RIMS2: variants seen among roughly 807,000 people sequenced by gnomAD.
RIMS2 encodes regulating synaptic membrane exocytosis 2, also known as regulating synaptic membrane exocytosis protein 2.
Under a neutral mutation model 174.4 loss-of-function variants are expected in RIMS2, and 59 were observed. The ratio of observed to expected loss-of-function variants is 0.34; its 90% confidence interval spans 0.27 to 0.42. RIMS2 has a LOEUF of 0.42. Among genes scored for constraint, RIMS2 ranks in the 10% least tolerant of loss-of-function variants. RIMS2 has a pLI of 1.00. For synonymous variants in RIMS2, 606 were observed against 572.5 expected, an observed-to-expected ratio of 1.06 and a Z score of -0.84; for missense variants, 1,620 against 1,666.3, an observed-to-expected ratio of 0.97 and a Z score of 0.48.
At chr8:103,843,412 C>T (rs953299603) in intron 3 of RIMS2, among the ~76,000 whole-genome samples, 7 of 152,184 alleles carry the variant, frequency 4.6e-5, no homozygotes, top group African/African-American at 1.4e-4. Flanking sequence ...CAGGCATGCA[C>T]CACTGTGCCT....
intron 19 of RIMS2, among the ~76,000 whole-genome samples, chr8:104,057,674 C>G (rs868302209): frequency 6.7e-6 from 1 of 149,616 alleles, no homozygotes; most frequent in South Asian, 2.2e-4. Context: ...CCCATTAACT[C>G]GTCATTTAGC....
intron 19 of RIMS2, among the ~76,000 whole-genome samples, chr8:104,106,064 A>AG (rs2098053503): frequency 1.4e-5 from 2 of 146,924 alleles, no homozygotes; most frequent in Non-Finnish European, 3.0e-5. Flanking sequence ...AAAAAAAAAA[A>AG]AGAGAAAGAG....
chr8:104,209,248 T>A lies in RIMS2; in HGVS notation c.3335-35668T>A, dbSNP rs28445177. Among the ~76,000 whole-genome samples the A allele has an allele frequency of 9.9e-3, 1,506 of 152,316 alleles. 20 individuals are homozygous for A. Among genetic ancestry groups the A allele is most frequent in the African/African-American group, 0.033 (1,355 of 41,550 alleles). On this transcript the variant is annotated intron_variant, in intron 19 of 23. Transcript: ENST00000504942. ...TATGTTCACCCTTTTATTACAACAC[T>A]TAACACATAGGGATATTTGTTTTAT...
chr8:103,804,028 A>C (rs1024817436), intron 3 of RIMS2, among the ~76,000 whole-genome samples: 1 of 152,206 alleles, frequency 6.6e-6, no homozygotes, highest in African/African-American at 2.4e-5. Flanking sequence ...CTGCAAGAAA[A>C]TAAATATACA....
chr8:103,952,404 A>C (rs1342982714), intron 14 of RIMS2, among the ~76,000 whole-genome samples: 1 of 152,182 alleles, frequency 6.6e-6, no homozygotes, highest in Non-Finnish European at 1.5e-5. Context: ...CAAAGCTTCC[A>C]GAGGAAGGAA....
chr8:103,786,352 A>C (rs1224828762), intron 3 of RIMS2, among the ~76,000 whole-genome samples: 6 of 151,454 alleles, frequency 4.0e-5, no homozygotes, highest in South Asian at 2.1e-4. Context: ...AGTTCTTTTA[A>C]TTGTGATGTT....
intron 11 of RIMS2, among the ~76,000 whole-genome samples, chr8:103,928,673 C>A (rs1292585530): frequency 6.6e-6 from 1 of 150,842 alleles, no homozygotes; most frequent in Non-Finnish European, 1.5e-5. Flanking sequence ...TTAAATTATT[C>A]TTGTTAATAT....
chr8:103,788,114 A>G (rs1476568862), intron 3 of RIMS2, among the ~76,000 whole-genome samples: 1 of 150,404 alleles, frequency 6.6e-6, no homozygotes, highest in African/African-American at 2.5e-5. Flanking sequence ...CTTGGTTTTC[A>G]GCTCCATCAG....
At chr8:103,587,951 A>C (rs1423449965) in intron 1 of RIMS2, among the ~76,000 whole-genome samples, 2 of 151,990 alleles carry the variant, frequency 1.3e-5, no homozygotes, top group Admixed American at 6.6e-5. Context: ...TAAATTGGAA[A>C]GCAGATGTCA....
At chr8:104,199,921 G>A (rs940858177) in intron 19 of RIMS2, among the ~76,000 whole-genome samples, 1 of 152,124 alleles carries the variant, frequency 6.6e-6, no homozygotes, top group Admixed American at 6.5e-5. Context: ...TGATGAACCT[G>A]GGTCCTACTT....
chr8:103,702,351 T>A (rs911852884), intron 2 of RIMS2, among the ~76,000 whole-genome samples: 1 of 152,184 alleles, frequency 6.6e-6, no homozygotes, highest in African/African-American at 2.4e-5. Flanking sequence ...ATTGGATAGA[T>A]AATTTGTAAA....
chr8:103,758,303 T>G (rs2098056027), intron 2 of RIMS2, among the ~76,000 whole-genome samples: 1 of 152,184 alleles, frequency 6.6e-6, no homozygotes, highest in African/African-American at 2.4e-5. Flanking sequence ...TGGTCTTGCC[T>G]CAATCTTGGT....
chr8:103,659,891 C>G (rs1026905639), intron 1 of RIMS2, among the ~76,000 whole-genome samples: 1 of 152,202 alleles, frequency 6.6e-6, no homozygotes, highest in Non-Finnish European at 1.5e-5. Flanking sequence ...CGAGTGCACA[C>G]GGTGTCTGTG....
chr8:103,715,336 C>G (rs1333419809), intron 2 of RIMS2, among the ~76,000 whole-genome samples: 1 of 152,122 alleles, frequency 6.6e-6, no homozygotes, highest in Non-Finnish European at 1.5e-5. Context: ...ACTGCCTGCC[C>G]CCGACCAACA....
intron 1 of RIMS2, among the ~76,000 whole-genome samples, chr8:103,613,752 C>A (rs766490867): frequency 3.3e-5 from 5 of 152,082 alleles, no homozygotes; most frequent in African/African-American, 1.2e-4. Context: ...AGAGTCAGCA[C>A]GTGATTAATC....
chr8:104,243,468 C>A (rs1367695943), intron 19 of RIMS2, among the ~76,000 whole-genome samples: 2 of 152,058 alleles, frequency 1.3e-5, no homozygotes, highest in African/African-American at 4.8e-5. Flanking sequence ...GGGCAAATGA[C>A]AAGGTCAGGA....
chr8:103,747,172 A>G (rs977748053), intron 2 of RIMS2, among the ~76,000 whole-genome samples: 1 of 151,362 alleles, frequency 6.6e-6, no homozygotes, highest in Non-Finnish European at 1.5e-5. Context: ...TACATGTGCC[A>G]TGCTGGTGCG....
rs568766765 is a variant in RIMS2 at position 103,863,089 on chromosome 8, T to C, written c.699-22209T>C. 2.0e-5 allele frequency among the ~76,000 whole-genome samples: 3 copies of C among 152,326 alleles called. No individual in the cohort carries two copies. In the South Asian group the frequency reaches 6.2e-4, roughly 32 times the overall value. ...CAACTTTTCCCCATTCACTATGATATTGGCTGTGGGTTTGTCATAAATAGC... is the reference window on the plus strand; with the variant it reads ...CAACTTTTCCCCATTCACTATGATACTGGCTGTGGGTTTGTCATAAATAGC... On this transcript the variant is annotated intron_variant, in intron 3 of 23. Coordinates refer to ENST00000504942, the Ensembl canonical transcript of RIMS2.
intron 19 of RIMS2, among the ~76,000 whole-genome samples, chr8:104,160,804 A>C (rs1473169166): frequency 6.6e-6 from 1 of 152,198 alleles, no homozygotes; most frequent in Non-Finnish European, 1.5e-5. Context: ...CTACTACCTC[A>C]TAGCTTCTAT....
Sources: allele counts gnomAD v4.1 joint callset (sites outside exome capture counted in the v4.1 genomes callset), GRCh38; gene constraint gnomAD v4.1.1; transcripts MANE v1.5; gene names NCBI Gene and HGNC (gene_info 2026-07-23, HGNC 2026-07-21).